The following ZNF791 variants were observed in gnomAD, a reference collection of about 807,000 sequenced individuals.
ZNF791 encodes the protein zinc finger protein 791.
ZNF791 carries 4 observed loss-of-function variants against 11.5 expected under a neutral mutation model. That is an observed-to-expected ratio of 0.35 (90% CI 0.17 to 0.80). The LOEUF (loss-of-function observed/expected upper bound fraction) is 0.80. Ranked by LOEUF, ZNF791 falls within the 30% of genes least tolerant of loss-of-function variation. The probability of loss-of-function intolerance (pLI) is 0.53; values close to 1 mark genes in which losing one functional copy is unlikely to be tolerated. For missense variants in ZNF791, 559 were observed against 699.4 expected (o/e 0.80, Z 2.26); for synonymous variants, 212 against 228.1 (o/e 0.93, Z 0.64).
Position 12,630,111 on chromosome 19 carries a change from G to A in ZNF791, c.*851G>A, listed in dbSNP as rs1238427448. 6.8e-6 allele frequency: 1 copy of A among 148,098 alleles called. No homozygotes were observed. The highest frequency in any genetic ancestry group is 1.5e-5 in the Non-Finnish European group (1 of 67,616). 9.2% of individuals were successfully genotyped at this position (148,098 alleles called of 1,614,324 possible). ...GGAGTTCAAGGCTACAGTGAACCAA[G>A]ATCACGTGATGGCAGTCCAGCATGG... On this transcript the variant is annotated 3_prime_UTR_variant, in exon 4 of 4. Transcript: ENST00000343325.
In ZNF791 at chr19:12,623,804, A is replaced by T. The variant is rs1819492296; in HGVS notation, c.108A>T (p.Thr36=). 2 of 1,578,154 alleles carry T rather than the reference A, an allele frequency of 1.3e-6. No homozygotes were observed. Among genetic ancestry groups the T allele is most frequent in the South Asian group, 1.1e-5 (1 of 87,984 alleles). ...KKLYRDVMQE[T]FKNLASIGEK... is the part of the protein sequence containing the mutation. ...TCTACAGAGATGTGATGCAGGAAACATTCAAGAACCTGGCATCTATAGGTA... is the reference window on the plus strand; with the variant it reads ...TCTACAGAGATGTGATGCAGGAAACTTTCAAGAACCTGGCATCTATAGGTA... Residue 36 remains threonine (T), a synonymous_variant, in exon 2 of 4, where the codon ACA becomes ACT. Coordinates refer to ENST00000343325, the MANE Select transcript of ZNF791 (RefSeq NM_153358.3).
intron 1 of ZNF791, among the ~76,000 whole-genome samples, chr19:12,620,782 A>T (rs1429876881): frequency 2.8e-4 from 24 of 86,292 alleles, no homozygotes; most frequent in Admixed American, 2.3e-3. Flanking sequence ...TTTTTTTGAG[A>T]TAGAGTCTCG....
intron 1 of ZNF791, among the ~76,000 whole-genome samples, chr19:12,621,355 G>T (rs1350979492): frequency 1.3e-5 from 2 of 152,074 alleles, no homozygotes; most frequent in East Asian, 3.8e-4. Flanking sequence ...CCTTCCTTGT[G>T]CCTGAGCTGT....
chr19:12,631,829 C>T lies in ZNF791; in HGVS notation c.*2569C>T, dbSNP rs1186315987. ...TAACTTAACTACTTTTCCAAGAAGT[C>T]TTGGAAGTGAGATAATTCTGTAAGT... On this transcript the variant is annotated 3_prime_UTR_variant, in exon 4 of 4. Coordinates refer to ENST00000343325, the MANE Select transcript of ZNF791 (RefSeq NM_153358.3). 2.0e-5 allele frequency: 3 copies of T among 152,134 alleles called. No individual in the cohort carries two copies. Among genetic ancestry groups the T allele is most frequent in the Admixed American group, 6.5e-5 (1 of 15,272 alleles). The allele number at this position is 152,134 out of a possible 1,614,324, so 9.4% of individuals were successfully genotyped here.
At chr19:12,619,513 G>A (rs544088732) in intron 1 of ZNF791, among the ~76,000 whole-genome samples, 3 of 140,552 alleles carry the variant, frequency 2.1e-5, no homozygotes, top group African/African-American at 8.0e-5. Context: ...GCAGTGGCGC[G>A]ATCTGGGCTC....
intron 1 of ZNF791, chr19:12,612,535 G>A (rs1178710967): frequency 1.3e-5 from 2 of 150,254 alleles, no homozygotes; most frequent in Non-Finnish European, 3.0e-5. Context: ...TCTGCCTCTC[G>A]GGTTCAAGCG....
In ZNF791 at chr19:12,624,687, C is replaced by T; in HGVS notation, c.168C>T (p.His56=). The T allele has an allele frequency of 1.2e-6, 2 of 1,607,866 alleles. No homozygotes were observed. The highest frequency in any genetic ancestry group is 2.2e-5 in the South Asian group (2 of 89,826). ...KWEDPNVEDQ[H]KNQGRNLRSH... is the part of the protein sequence containing the mutation. ...AAGACCCGAATGTTGAAGATCAACA[C>T]AAAAACCAAGGACGAAATCTAAGGT... Residue 56 remains histidine, a synonymous_variant, in exon 3 of 4, where the codon CAC becomes CAT. Transcript: ENST00000343325.
intron 1 of ZNF791, among the ~76,000 whole-genome samples, chr19:12,617,107 T>C (rs1205450805): frequency 6.6e-6 from 1 of 151,772 alleles, no homozygotes; most frequent in Non-Finnish European, 1.5e-5. Flanking sequence ...TTAATTCACA[T>C]TTAATTTTTC....
chr19:12,628,624 T>C lies in ZNF791; in HGVS notation c.1095T>C (p.Phe365=). 1.2e-6 allele frequency: 2 copies of C among 1,605,202 alleles called. No homozygotes were observed. Among genetic ancestry groups the C allele is most frequent in the Middle Eastern group, 1.7e-4 (1 of 6,014 alleles). ...AGTGTAAAGAATGTGGGAAAGCCTT[T>C]AGTAGAATCAGTTACTTTCGAATAC... ...PYKCKECGKA[F]SRISYFRIHE... The change falls in exon 4 of 4, where the codon TTT becomes TTC. Residue 365 remains phenylalanine, a synonymous_variant. Coordinates refer to ENST00000343325, the MANE Select transcript of ZNF791 (RefSeq NM_153358.3).
chr19:12,633,176 G>A lies in ZNF791; in HGVS notation c.*3916G>A, dbSNP rs1410951371. On this transcript the variant is annotated 3_prime_UTR_variant, in exon 4 of 4. Coordinates refer to ENST00000343325, the MANE Select transcript of ZNF791 (RefSeq NM_153358.3). The stretch of plus-strand genomic sequence containing the variant: ...TTTTATTAAACATCTGGCATAAGTT[G>A]GTAAGTATGTGAAGTTTATCATATA... 6.6e-6 allele frequency: 1 copy of A among 152,062 alleles called. No individual in the cohort carries two copies. The highest frequency in any genetic ancestry group is 1.5e-5 in the Non-Finnish European group (1 of 67,998). The allele number at this position is 152,062 out of a possible 1,614,324, so 9.4% of individuals were successfully genotyped here.
intron 2 of ZNF791, among the ~76,000 whole-genome samples, chr19:12,624,362 A>G (rs910449065): frequency 6.6e-6 from 1 of 151,806 alleles, no homozygotes; most frequent in Admixed American, 6.6e-5. Flanking sequence ...CATGTTGGCC[A>G]GGCTGGTCTC....
chr19:12,622,127 G>A (rs2023359543), intron 1 of ZNF791, among the ~76,000 whole-genome samples: 1 of 131,406 alleles, frequency 7.6e-6, no homozygotes. Flanking sequence ...TGCAAGATGT[G>A]CTTTGTTAAA....
intron 1 of ZNF791, among the ~76,000 whole-genome samples, chr19:12,618,973 G>A (rs191132522): frequency 5.3e-5 from 8 of 151,234 alleles, no homozygotes; most frequent in African/African-American, 1.9e-4. Flanking sequence ...TCAGCCTCCC[G>A]AGTAGCTGGG....
intron 1 of ZNF791, among the ~76,000 whole-genome samples, chr19:12,621,615 T>C (rs1182045486): frequency 6.6e-6 from 1 of 150,548 alleles, no homozygotes; most frequent in Non-Finnish European, 1.5e-5. Context: ...AGCTAGACCT[T>C]CTTAAAAGTT....
chr19:12,618,508 CAAAAAT>C (rs751870497), intron 1 of ZNF791, among the ~76,000 whole-genome samples: 8 of 151,726 alleles, frequency 5.3e-5, no homozygotes, highest in Non-Finnish European at 1.2e-4. Flanking sequence ...GACCCCGTCT[CAAAAAT>C]AAAATAAAGG....
intron 3 of ZNF791, among the ~76,000 whole-genome samples, chr19:12,625,123 T>G (rs1420888688): frequency 6.6e-6 from 1 of 151,894 alleles, no homozygotes; most frequent in African/African-American, 2.4e-5. Context: ...TTTATTTGTT[T>G]TATTTATTTT....
intron 3 of ZNF791, among the ~76,000 whole-genome samples, chr19:12,625,764 G>A (rs112213701): frequency 0.046 from 6,662 of 144,168 alleles, 515 homozygotes; most frequent in African/African-American, 0.16. Context: ...CAGCCTGGGC[G>A]ACAGAGTGAG....
chr19:12,631,936 T>C lies in ZNF791; in HGVS notation c.*2676T>C, dbSNP rs1029514984. On this transcript the variant is annotated 3_prime_UTR_variant, in exon 4 of 4. Transcript: ENST00000343325. ...AGTAAAACTTTTCTCTTTCTCTTGATGTCTTGATTCATGAGTAAACTGAAG... is the reference window on the plus strand; with the variant it reads ...AGTAAAACTTTTCTCTTTCTCTTGACGTCTTGATTCATGAGTAAACTGAAG... 6.6e-6 allele frequency: 1 copy of C among 152,032 alleles called. No homozygotes were observed. Among genetic ancestry groups the C allele is most frequent in the Non-Finnish European group, 1.5e-5 (1 of 68,014 alleles). 9.4% of individuals were successfully genotyped at this position (152,032 alleles called of 1,614,324 possible).
rs57575424 is a variant in ZNF791 at position 12,614,892 on chromosome 19, C to CTTTTTTTTTTT, written c.3+3835_3+3845dup. 5.2e-3 allele frequency among the ~76,000 whole-genome samples: 92 copies of CTTTTTTTTTTT among 17,564 alleles called. 31 individuals are homozygous for CTTTTTTTTTTT. The highest frequency in any genetic ancestry group is 0.011 in the Admixed American group (9 of 826). The allele number at this position is 17,564 out of a possible 152,430, so 11.5% of individuals were successfully genotyped here. A position where few individuals can be genotyped will look rare whatever the true frequency, so the allele number is the denominator to read the frequency against. ...ACAGGTGTGAGCCACTGCGTCCGGC[C>CTTTTTTTTTTT]TTTTTTTTTTTTTTTTTTTTTTTTT... is the stretch of plus-strand genomic sequence containing the variant. On this transcript the variant is annotated intron_variant, in intron 1 of 3. Transcript: ENST00000343325.
Sources: allele counts gnomAD v4.1 joint callset (sites outside exome capture counted in the v4.1 genomes callset), GRCh38; gene constraint gnomAD v4.1.1; transcripts MANE v1.5; gene names NCBI Gene and HGNC (gene_info 2026-07-23, HGNC 2026-07-21).